The following DNAH5 variants were observed in gnomAD, a reference collection of about 807,000 sequenced individuals.
DNAH5 encodes the protein dynein axonemal heavy chain 5.
Under a neutral mutation model 518.2 loss-of-function variants are expected in DNAH5, and 372 were observed. The ratio of observed to expected loss-of-function variants is 0.72; its 90% CI spans 0.66 to 0.78. DNAH5 has a LOEUF of 0.78. DNAH5 is among the 30% of genes least tolerant of loss of function. The pLI is 0.00. For missense variants in DNAH5, 5,523 were observed against 5,687.0 expected, an observed-to-expected ratio of 0.97 and a Z score of 0.93; for synonymous variants, 2,039 against 2,025.9, an observed-to-expected ratio of 1.01 and a Z score of -0.17.
At chr5:13,949,429 T>C (rs1780195688), upstream of DNAH5, among the ~76,000 whole-genome samples, 2 of 152,352 alleles carry the variant, frequency 1.3e-5, no homozygotes, top group South Asian at 4.1e-4. Context: ...AAGAAGATAG[T>C]GATTCTAAGA....
At chr5:13,917,364 C>T in intron 7 of DNAH5, 108 bp from the exon 8 acceptor site, 1 of 804,084 alleles carries the variant, frequency 1.2e-6, no homozygotes, top group Non-Finnish European at 2.1e-6. Context: ...ACCTTCTGTC[C>T]ATCTCACAGA....
chr5:13,887,809 C>T (rs1404193259), intron 17 of DNAH5, among the ~76,000 whole-genome samples: 1 of 152,146 alleles, frequency 6.6e-6, no homozygotes, highest in Non-Finnish European at 1.5e-5. Flanking sequence ...CCAAATGAAC[C>T]AGGTGACCTA....
intron 12 of DNAH5, 39 bp from the exon 13 acceptor site, chr5:13,902,177 G>T: frequency 2.8e-6 from 4 of 1,431,832 alleles, no homozygotes; most frequent in East Asian, 2.3e-5. Context: ...CAATAGAATT[G>T]GGAATTTACT....
chr5:13,923,028 C>A (rs1777478688), intron 4 of DNAH5, among the ~76,000 whole-genome samples: 1 of 152,006 alleles, frequency 6.6e-6, no homozygotes, highest in Non-Finnish European at 1.5e-5. Flanking sequence ...AAAAGAAAGC[C>A]CTCACTGTTA....
chr5:13,969,740 T>C (rs1163296357), intron 1 of DNAH5, among the ~76,000 whole-genome samples: 1 of 152,200 alleles, frequency 6.6e-6, no homozygotes, highest in Non-Finnish European at 1.5e-5. Context: ...TGGTCTATCT[T>C]GGAGAATGTT....
Position 13,882,848 on chromosome 5 carries a change from C to G in DNAH5, c.3175-33G>C, listed in dbSNP as rs1283724720. 2.5e-6 allele frequency: 4 copies of G among 1,613,824 alleles called. No individual in the cohort carries two copies. In the East Asian group the frequency reaches 8.9e-5, roughly 36 times the overall value. On this transcript the variant is annotated intron_variant, in intron 20 of 78. Coordinates refer to ENST00000265104, the MANE Select transcript of DNAH5 (RefSeq NM_001369.3). The stretch of plus-strand genomic sequence containing the variant: ...GTAAAAGGATATTTTTCAGTTCTGT[C>G]CTATCTGTAAAAGAAGTGGTTTCCA...
chr5:13,714,446 C>T lies in DNAH5; in HGVS notation c.13084G>A (p.Asp4362Asn). 6.2e-7 allele frequency: 1 copy of T among 1,614,120 alleles called. No individual in the cohort carries two copies. Among genetic ancestry groups the T allele is most frequent in the South Asian group, 1.1e-5 (1 of 91,078 alleles). Reference protein sequence around the residue: ...REAVVARLADDMLEKLPPDYV... With the variant: ...REAVVARLADNMLEKLPPDYV... ...TCTGGGGGCAGCTTCTCCAGCATAT[C>T]ATCAGCCAGCCGGGCCACCACCGCC... Residue 4362 changes from aspartate to asparagine, a missense_variant, in exon 75 of 79, where the codon GAT (aspartate) becomes AAT (asparagine). By Grantham distance (23) the Asp-to-Asn change is conservative. Coordinates refer to ENST00000265104, the MANE Select transcript of DNAH5 (RefSeq NM_001369.3).
chr5:13,751,209 T>A lies in DNAH5; in HGVS notation c.11080A>T (p.Ile3694Phe), dbSNP rs2051034002. Residue 3694 changes from isoleucine (I) to phenylalanine (F), a missense_variant, in exon 65 of 79, where the codon ATT (isoleucine) becomes TTT (phenylalanine). Ile to Phe is a conservative substitution (Grantham distance 21, BLOSUM62 0). Transcript: ENST00000265104. Reference protein sequence around the residue: ...VDVLDGFRLYITTKLPNPAYT... With the variant: ...VDVLDGFRLYFTTKLPNPAYT... ...GCTGGGTTAGGCAATTTGGTGGTAA[T>A]GTAGAGTCTAAAGCCATCCAACACA... 11 of 1,613,912 alleles carry A rather than the reference T, an allele frequency of 6.8e-6. No individual in the cohort carries two copies. The highest frequency in any genetic ancestry group is 9.3e-6 in the Non-Finnish European group (11 of 1,179,904).
chr5:13,904,165 T>G (rs1235335672), intron 12 of DNAH5, among the ~76,000 whole-genome samples: 1 of 151,136 alleles, frequency 6.6e-6, no homozygotes, highest in Non-Finnish European at 1.5e-5. Context: ...ATAACAAAAT[T>G]TAATCAACAA....
At chr5:13,780,988 T>C (rs1329288011) in intron 52 of DNAH5, 29 bp from the exon 53 acceptor site, 1 of 1,610,976 alleles carries the variant, frequency 6.2e-7, no homozygotes, top group African/African-American at 1.3e-5. Flanking sequence ...AAAGTATGTA[T>C]CTTTCAACAT....
intron 42 of DNAH5, among the ~76,000 whole-genome samples, chr5:13,816,400 A>T (rs971652288): frequency 6.6e-6 from 1 of 152,162 alleles, no homozygotes; most frequent in Admixed American, 6.5e-5. Flanking sequence ...TTTCTTTGCT[A>T]TGCAACAACC....
chr5:13,816,953 C>T (rs1189807832), intron 42 of DNAH5, among the ~76,000 whole-genome samples: 2 of 152,056 alleles, frequency 1.3e-5, no homozygotes, highest in African/African-American at 2.4e-5. Context: ...CTCTTCCCAC[C>T]GAATTTATAT....
At chr5:14,000,467 A>C (rs1007392006) in intron 1 of DNAH5, among the ~76,000 whole-genome samples, 6 of 152,144 alleles carry the variant, frequency 3.9e-5, no homozygotes, top group African/African-American at 1.4e-4. Context: ...CTAGAAAATG[A>C]ATATGTTTCT....
intron 42 of DNAH5, among the ~76,000 whole-genome samples, chr5:13,816,038 G>A (rs1761402648): frequency 2.6e-5 from 4 of 152,172 alleles, no homozygotes; most frequent in Non-Finnish European, 4.4e-5. Flanking sequence ...CTAGCAGGAT[G>A]AGGAATCCCT....
At chr5:13,977,444 A>G (rs1343146495) in intron 1 of DNAH5, among the ~76,000 whole-genome samples, 4 of 151,826 alleles carry the variant, frequency 2.6e-5, no homozygotes, top group Non-Finnish European at 5.9e-5. Flanking sequence ...ACAGAAATTC[A>G]TTTCTCACCG....
At chr5:13,807,487 A>G (rs1759799592) in intron 47 of DNAH5, 104 bp downstream of exon 47, 2 of 1,133,002 alleles carry the variant, frequency 1.8e-6, no homozygotes, top group East Asian at 2.5e-5. Context: ...TATCATGGCT[A>G]TGAAAATTCA....
In DNAH5 at chr5:13,900,419, G is replaced by T. The variant is rs1325993261; in HGVS notation, c.2053-7C>A. On this transcript the variant is annotated splice_polypyrimidine_tract_variant and splice_region_variant and intron_variant, in intron 14 of 78. Transcript: ENST00000265104. Reference sequence around the variant, plus strand: ...CTACATGAATTTCTTCAATCTGTGGGAAGAAACCAACATCATTACTATCAG... The same window carrying T: ...CTACATGAATTTCTTCAATCTGTGGTAAGAAACCAACATCATTACTATCAG... 1 of 1,612,060 alleles carries T rather than the reference G, an allele frequency of 6.2e-7. No individual in the cohort carries two copies. Among genetic ancestry groups the T allele is most frequent in the South Asian group, 1.1e-5 (1 of 91,042 alleles).
rs773025242 is a variant in DNAH5 at position 13,769,624 on chromosome 5, G to GA, written c.9606-10dup. On this transcript the variant is annotated splice_polypyrimidine_tract_variant and intron_variant, in intron 56 of 78. Transcript: ENST00000265104. ...CCAATCCAGTATTCATTCTGGGATT[G>GA]AAAATCCAAGCAAGCAATGTTAAAA... 6.2e-7 allele frequency: 1 copy of GA among 1,606,832 alleles called. No homozygotes were observed. The highest frequency in any genetic ancestry group is 8.5e-7 in the Non-Finnish European group (1 of 1,173,434).
upstream of DNAH5, among the ~76,000 whole-genome samples, chr5:13,945,042 T>A (rs1378400636): frequency 1.3e-5 from 2 of 152,210 alleles, no homozygotes; most frequent in Non-Finnish European, 2.9e-5. Flanking sequence ...TTGTGACCCA[T>A]AGGAGCCATT....
Sources: allele counts gnomAD v4.1 joint callset (sites outside exome capture counted in the v4.1 genomes callset), GRCh38; gene constraint gnomAD v4.1.1; transcripts MANE v1.5; gene names NCBI Gene and HGNC (gene_info 2026-07-23, HGNC 2026-07-21).